The following TRPC5 variants were observed in gnomAD, a reference collection of about 807,000 sequenced individuals.
TRPC5 encodes transient receptor potential cation channel subfamily C member 5, also known as short transient receptor potential channel 5.
Under a neutral mutation model 56.5 loss-of-function variants are expected in TRPC5, and 9 were observed. That is an observed-to-expected ratio of 0.16 (90% confidence interval 0.10 to 0.28). TRPC5 has a LOEUF of 0.28. Among genes scored for constraint, TRPC5 ranks in the 10% least tolerant of loss-of-function variants. The pLI is 1.00. For missense variants in TRPC5, 469 were observed against 748.9 expected (o/e 0.63, Z 4.36); for synonymous variants, 282 against 278.5 (o/e 1.01, Z -0.13).
chrX:112,082,546 T>C lies in TRPC5; in HGVS notation c.-689A>G, dbSNP rs1317077602. 1 of 110,693 alleles carries C rather than the reference T, an allele frequency of 9.0e-6. No individual in the cohort carries two copies. The highest frequency in any genetic ancestry group is 3.3e-5 in the African/African-American group (1 of 30,291). 9.1% of individuals were successfully genotyped at this position (110,693 alleles called of 1,213,427 possible). A position where few individuals can be genotyped will look rare whatever the true frequency, so the allele number is the denominator to read the frequency against. On this transcript the variant is annotated 5_prime_UTR_variant, in exon 1 of 11. Transcript: ENST00000262839. The stretch of plus-strand genomic sequence containing the variant: ...TTCTGTCCCCTTCTGCTGCCGTTTC[T>C]GGAATATGCTATACAGAGAAGGGGA...
At chrX:111,974,815 G>A (rs1457158876) in intron 1 of TRPC5, among the ~76,000 whole-genome samples, 1 of 111,472 alleles carries the variant, frequency 9.0e-6, no homozygotes, top group Non-Finnish European at 1.9e-5. Flanking sequence ...AACCCTATCC[G>A]TAGACTGTCT....
At chrX:111,978,351 T>A (rs914373863) in intron 1 of TRPC5, among the ~76,000 whole-genome samples, 5 of 111,461 alleles carry the variant, frequency 4.5e-5, no homozygotes, top group African/African-American at 1.6e-4. Flanking sequence ...AAATACTACA[T>A]GATCTCATTT....
At chrX:112,024,030 C>A (rs999703166) in intron 1 of TRPC5, among the ~76,000 whole-genome samples, 4 of 111,586 alleles carry the variant, frequency 3.6e-5, no homozygotes, top group Non-Finnish European at 7.5e-5. Flanking sequence ...GAAGCTTCAT[C>A]CACCTTTAAA....
chrX:111,981,548 C>T (rs775198931), intron 1 of TRPC5, among the ~76,000 whole-genome samples: 1 of 111,741 alleles, frequency 8.9e-6, no homozygotes, highest in Non-Finnish European at 1.9e-5. Flanking sequence ...CACATGTCCA[C>T]CATTTGTCAA....
chrX:112,074,313 A>G (rs978502756), intron 1 of TRPC5, among the ~76,000 whole-genome samples: 1 of 107,102 alleles, frequency 9.3e-6, no homozygotes, highest in East Asian at 2.8e-4. Flanking sequence ...ATATATATAT[A>G]TATTTTTTAT....
intron 1 of TRPC5, among the ~76,000 whole-genome samples, chrX:112,002,248 G>A (rs1461585590): frequency 8.9e-6 from 1 of 112,211 alleles, no homozygotes; most frequent in Non-Finnish European, 1.9e-5. Context: ...TCTTAGCTAC[G>A]TCTATGACTT....
chrX:111,871,719 G>T (rs1923766149), intron 3 of TRPC5, among the ~76,000 whole-genome samples: 1 of 111,576 alleles, frequency 9.0e-6, no homozygotes, highest in Non-Finnish European at 1.9e-5. Flanking sequence ...GTCACTTCTG[G>T]ATATGTAGTC....
chrX:111,946,995 TG>T (rs1926948255), intron 2 of TRPC5, among the ~76,000 whole-genome samples: 1 of 111,924 alleles, frequency 8.9e-6, no homozygotes, highest in Non-Finnish European at 1.9e-5. Flanking sequence ...GGCAGGGATC[TG>T]GGGAAATGGG....
In TRPC5 at chrX:111,781,975, G is replaced by C. The variant is rs773057521; in HGVS notation, c.2060C>G (p.Pro687Arg). 40 of 1,206,649 alleles carry C rather than the reference G, an allele frequency of 3.3e-5. No individual in the cohort carries two copies. Among genetic ancestry groups the C allele is most frequent in the Non-Finnish European group, 4.3e-5 (38 of 892,927 alleles). The change falls in exon 8 of 11, where the codon CCT (proline) becomes CGT (arginine). Residue 687 changes from proline (P) to arginine (R), a missense_variant. Pro to Arg is a moderately radical substitution (Grantham distance 103). Around this residue, in one of 3 missense-constraint regions of TRPC5, gnomAD observed 194 missense variants for 221.8 expected, o/e 0.87. Coordinates refer to ENST00000262839, the MANE Select transcript of TRPC5 (RefSeq NM_012471.3). ...GTTGCGCCTTCTCCGTCTACCGTCA[G>C]GGTCTCTTTTGGGGCAGAAGGTGTT... ...FNNTFCPKRD[P>R]DGRRRRRNLR...
intron 7 of TRPC5, among the ~76,000 whole-genome samples, chrX:111,798,356 G>A (rs1362689536): frequency 1.8e-5 from 2 of 111,932 alleles, no homozygotes; most frequent in East Asian, 5.6e-4. Flanking sequence ...AAAATGCTGT[G>A]TGCCACTTAT....
At chrX:112,042,694 A>C (rs897192706) in intron 1 of TRPC5, among the ~76,000 whole-genome samples, 5 of 111,364 alleles carry the variant, frequency 4.5e-5, no homozygotes, top group Non-Finnish European at 9.4e-5. Context: ...CTCTGGCTTA[A>C]ACTTTCATTT....
intron 3 of TRPC5, among the ~76,000 whole-genome samples, chrX:111,898,295 G>GCA (rs1157447849): frequency 1.8e-3 from 166 of 93,564 alleles, no homozygotes; most frequent in African/African-American, 7.9e-3. Context: ...ACGCGTGTGT[G>GCA]CGCACACACA....
intron 2 of TRPC5, among the ~76,000 whole-genome samples, chrX:111,944,113 A>C (rs1012414936): frequency 6.3e-5 from 7 of 111,364 alleles, no homozygotes; most frequent in Non-Finnish European, 1.9e-5. Flanking sequence ...GTTGAGCTAC[A>C]GAGAGATTCT....
intron 2 of TRPC5, among the ~76,000 whole-genome samples, chrX:111,931,617 G>C (rs910666827): frequency 8.9e-6 from 1 of 112,144 alleles, no homozygotes; most frequent in African/African-American, 3.2e-5. Context: ...TGAGTACAAG[G>C]CTGATTTGCT....
At chrX:112,023,259 T>TG (rs1929331329) in intron 1 of TRPC5, among the ~76,000 whole-genome samples, 1 of 99,875 alleles carries the variant, frequency 1.0e-5, no homozygotes, top group Admixed American at 1.1e-4. Context: ...TTTTTTTTTT[T>TG]TTTTTTTTTT....
chrX:111,811,191 T>C (rs1176603101), intron 7 of TRPC5, among the ~76,000 whole-genome samples: 1 of 112,383 alleles, frequency 8.9e-6, no homozygotes, highest in Non-Finnish European at 1.9e-5. Flanking sequence ...AGTTTTATTT[T>C]AAATGTCAAT....
chrX:112,051,854 T>C (rs1930221560), intron 1 of TRPC5, among the ~76,000 whole-genome samples: 1 of 112,126 alleles, frequency 8.9e-6, no homozygotes, highest in Admixed American at 9.5e-5. Flanking sequence ...TGGGTACTTT[T>C]TATAAATTGA....
chrX:111,800,887 C>G (rs926010739), intron 7 of TRPC5, among the ~76,000 whole-genome samples: 42 of 111,319 alleles, frequency 3.8e-4, no homozygotes, highest in African/African-American at 1.3e-3. Context: ...AAGTTATAAG[C>G]AGATTATTGA....
At chrX:111,852,506 C>T (rs1603057089) in intron 4 of TRPC5, 69 bp from the exon 5 acceptor site, 2 of 1,042,296 alleles carry the variant, frequency 1.9e-6, no homozygotes, top group East Asian at 6.7e-5. Flanking sequence ...AGGATTCCCC[C>T]CTCCAGGTGA....
Sources: allele counts gnomAD v4.1 joint callset (sites outside exome capture counted in the v4.1 genomes callset), GRCh38; gene constraint gnomAD v4.1.1; regional missense constraint gnomAD v4.1.1; transcripts MANE v1.5; gene names NCBI Gene and HGNC (gene_info 2026-07-23, HGNC 2026-07-21).